TGM3: variants seen among roughly 807,000 people sequenced by gnomAD.
TGM3 encodes transglutaminase 3, also known as protein-glutamine gamma-glutamyltransferase E.
Under a neutral mutation model 73.8 loss-of-function variants are expected in TGM3, and 52 were observed. The observed-to-expected ratio is 0.70, with a 90% CI of 0.56 to 0.89. The LOEUF (loss-of-function observed/expected upper bound fraction) is 0.89. Among genes scored for constraint, TGM3 ranks in the 40% least tolerant of loss-of-function variants. TGM3 has a pLI of 0.00. For synonymous variants in TGM3, 372 were observed against 354.9 expected, an observed-to-expected ratio of 1.05 and a Z score of -0.54; for missense variants, 928 against 909.9, an observed-to-expected ratio of 1.02 and a Z score of -0.26.
chr20:2,313,108 A>G (rs2084215893), intron 5 of TGM3, 82 bp downstream of exon 5: 10 of 1,565,996 alleles, frequency 6.4e-6, no homozygotes, highest in Non-Finnish European at 7.8e-6. Context: ...CACTCTTTAC[A>G]TATGTCATCT....
rs2084303435 is a variant in TGM3, at chr20:2,328,565, G to A, written c.1333+200G>A. 6.6e-6 allele frequency among the ~76,000 whole-genome samples: 1 copy of A among 152,198 alleles called. No individual in the cohort carries two copies. The highest frequency in any genetic ancestry group is 2.1e-4 in the South Asian group (1 of 4,828). Reference sequence around the variant, plus strand: ...AACAAAACCATCACGGGCAGCTGTTGTGCCAGTGGAAGTTTGCTGCAGGGC... The same window carrying A: ...AACAAAACCATCACGGGCAGCTGTTATGCCAGTGGAAGTTTGCTGCAGGGC... On this transcript the variant is annotated intron_variant, in intron 9 of 12. Transcript: ENST00000381458. The surrounding 1 kb of genome is among the most constrained non-coding windows in gnomAD (Gnocchi z 5.2).
Position 2,309,804 on chromosome 20 carries a change from A to G in TGM3, c.155A>G (p.Glu52Gly). The G allele has an allele frequency of 6.2e-7, 1 of 1,614,180 alleles. No homozygotes were observed. Among genetic ancestry groups the G allele is most frequent in the Non-Finnish European group, 8.5e-7 (1 of 1,180,018 alleles). Residue 52 changes from glutamate (E) to glycine (G), a missense_variant, in exon 2 of 13, where the codon GAA becomes GGA. Coordinates refer to ENST00000381458, the MANE Select transcript of TGM3 (RefSeq NM_003245.4). ...MIMNKGLGSN[E>G]RLEFIVSTGP... ...ATGAACAAAGGCCTTGGCTCTAACG[A>G]AAGACTGGAGTTCATTGTCTCCACA...
chr20:2,305,901 G>A (rs763364358), intron 1 of TGM3, among the ~76,000 whole-genome samples: 7 of 152,158 alleles, frequency 4.6e-5, no homozygotes, highest in Non-Finnish European at 1.5e-5. Flanking sequence ...AAAGATGGCT[G>A]GCACACAAAT....
intron 5 of TGM3, among the ~76,000 whole-genome samples, chr20:2,313,489 G>T (rs929760610): frequency 6.6e-5 from 10 of 152,172 alleles, no homozygotes; most frequent in Non-Finnish European, 1.5e-4. Flanking sequence ...TCAGATGGTA[G>T]GCTGCCTCAT....
In TGM3 at chr20:2,310,227, C is replaced by T. The variant is rs754956653; in HGVS notation, c.231C>T (p.Ser77=). The part of the protein sequence containing the change: ...SAMTKAVFPL[S]NGSSGGWSAV... ...TGACGAAGGCTGTGTTTCCACTCTC[C>T]AATGGCAGTAGTGGTGGCTGGAGTG... Residue 77 remains serine (S), a synonymous_variant, in exon 3 of 13, where the codon TCC becomes TCT. Transcript: ENST00000381458. 2 of 1,614,232 alleles carry T rather than the reference C, an allele frequency of 1.2e-6. No homozygotes were observed. Among genetic ancestry groups the T allele is most frequent in the Non-Finnish European group, 1.7e-6 (2 of 1,180,046 alleles).
At chr20:2,311,976 G>T (rs45571133) in intron 4 of TGM3, among the ~76,000 whole-genome samples, 1 of 152,094 alleles carries the variant, frequency 6.6e-6, no homozygotes, top group Non-Finnish European at 1.5e-5. Flanking sequence ...AGAGGAGCTC[G>T]GCCTTCTCAG....
At chr20:2,331,832 G>A (rs906649833) in intron 9 of TGM3, among the ~76,000 whole-genome samples, 170 bp from the exon 10 acceptor site, 2 of 152,350 alleles carry the variant, frequency 1.3e-5, no homozygotes, top group African/African-American at 4.8e-5. Flanking sequence ...CAACTGGTCT[G>A]TGAGTCTCCG....
At chr20:2,336,232 C>CCTG (rs200496230) in intron 11 of TGM3, among the ~76,000 whole-genome samples, 2,751 of 152,210 alleles carry the variant, frequency 0.018, 42 homozygotes, top group African/African-American at 0.043. Context: ...CCCCACAGCC[C>CCTG]AGGGTGAAGG....
intron 11 of TGM3, among the ~76,000 whole-genome samples, chr20:2,339,229 G>A (rs1397256352): frequency 6.6e-6 from 1 of 152,232 alleles, no homozygotes; most frequent in Non-Finnish European, 1.5e-5. Context: ...GTGAGCAGCT[G>A]TGGGGCCTGG....
intron 1 of TGM3, among the ~76,000 whole-genome samples, chr20:2,299,895 C>G (rs371392960): frequency 6.6e-6 from 1 of 152,054 alleles, no homozygotes; most frequent in African/African-American, 2.4e-5. Flanking sequence ...GTCAGGAGTT[C>G]GAGACCAGCC....
intron 11 of TGM3, among the ~76,000 whole-genome samples, chr20:2,337,664 G>A (rs986376545): frequency 7.4e-6 from 1 of 136,040 alleles, no homozygotes; most frequent in South Asian, 2.5e-4. Flanking sequence ...CGGTTGCAGT[G>A]AGCCGAGATC....
In TGM3 at chr20:2,328,693, C is replaced by G. The variant is rs571726326; in HGVS notation, c.1333+328C>G. Among the ~76,000 whole-genome samples the G allele has an allele frequency of 1.3e-5, 2 of 152,344 alleles. No homozygotes were observed. The highest frequency in any genetic ancestry group is 4.1e-4 in the South Asian group (2 of 4,832). Reference sequence around the variant, plus strand: ...TGAACATCACAGGGAGAGACATGGCCCCCATGAAAGGCCCCCAAGGGCTTT... The same window carrying G: ...TGAACATCACAGGGAGAGACATGGCGCCCATGAAAGGCCCCCAAGGGCTTT... On this transcript the variant is annotated intron_variant, in intron 9 of 12. Coordinates refer to ENST00000381458, the MANE Select transcript of TGM3 (RefSeq NM_003245.4). This position sits in a 1 kb window ranked among gnomAD's most constrained non-coding sequence, Gnocchi z 5.2.
chr20:2,326,072 C>G, intron 8 of TGM3, 120 bp downstream of exon 8: 2 of 988,748 alleles, frequency 2.0e-6, no homozygotes, highest in Non-Finnish European at 3.0e-6. Flanking sequence ...GGGATTAAAA[C>G]AAAAATAGTT....
At chr20:2,306,472 C>CTTTTTTTTTTTTTTTTTTTTTT in intron 1 of TGM3, among the ~76,000 whole-genome samples, 1 of 129,622 alleles carries the variant, frequency 7.7e-6, no homozygotes, top group Non-Finnish European at 1.6e-5. Context: ...CTTTTCCTTT[C>CTTTTTTTTTTTTTTTTTTTTTT]TTTTTTTTTT....
At position 2,311,142 on chromosome 20, in the gene TGM3, T is replaced by A; in HGVS notation, c.540+13T>A. On this transcript the variant is annotated intron_variant, in intron 4 of 12. Coordinates refer to ENST00000381458, the MANE Select transcript of TGM3 (RefSeq NM_003245.4). Reference sequence around the variant, plus strand: ...GAACTTTGGACAGGTAAAAGGGTCATAAGGAAGCTAAGGGTAATGTCCCTG... The same window carrying A: ...GAACTTTGGACAGGTAAAAGGGTCAAAAGGAAGCTAAGGGTAATGTCCCTG... 2.5e-6 allele frequency: 4 copies of A among 1,606,136 alleles called. No homozygotes were observed. Among genetic ancestry groups the A allele is most frequent in the Non-Finnish European group, 2.6e-6 (3 of 1,172,814 alleles).
At chr20:2,317,617 G>A in intron 7 of TGM3, 132 bp downstream of exon 7, 1 of 1,271,222 alleles carries the variant, frequency 7.9e-7, no homozygotes. Context: ...GGTGTAGAAT[G>A]GAACTGCTGG....
intron 7 of TGM3, among the ~76,000 whole-genome samples, chr20:2,318,926 T>C (rs2084249384): frequency 6.6e-6 from 1 of 152,152 alleles, no homozygotes; most frequent in South Asian, 2.1e-4. Flanking sequence ...AAGCATCCCT[T>C]CCCTTCTGAA....
chr20:2,308,482 C>T (rs1471547859), intron 1 of TGM3, among the ~76,000 whole-genome samples: 1 of 152,216 alleles, frequency 6.6e-6, no homozygotes, highest in Non-Finnish European at 1.5e-5. Context: ...AAACCCTTCT[C>T]AGTTTAGCTC....
intron 9 of TGM3, among the ~76,000 whole-genome samples, chr20:2,331,293 G>T (rs2084319605): frequency 6.6e-6 from 1 of 152,092 alleles, no homozygotes; most frequent in Non-Finnish European, 1.5e-5. Flanking sequence ...CCATTTTCAG[G>T]TACATCCCTG....
Sources: allele counts gnomAD v4.1 joint callset (sites outside exome capture counted in the v4.1 genomes callset), GRCh38; gene constraint gnomAD v4.1.1; non-coding constraint Gnocchi (gnomAD v3.1); transcripts MANE v1.5; gene names NCBI Gene and HGNC (gene_info 2026-07-23, HGNC 2026-07-21).